Variants in RSPH4A observed in about 807,000 individuals in gnomAD.
RSPH4A encodes the protein radial spoke head protein 4 homolog A.
RSPH4A carries 47 observed loss-of-function variants against 71.0 expected under a neutral mutation model. The observed-to-expected ratio is 0.66, with a 90% CI of 0.52 to 0.84. The LOEUF (loss-of-function observed/expected upper bound fraction) is 0.84. Among genes scored for constraint, RSPH4A ranks in the 40% least tolerant of loss-of-function variants. The pLI is 0.00. For missense variants in RSPH4A, 793 were observed against 855.2 expected (o/e 0.93, Z 0.91); for synonymous variants, 282 against 302.3 (o/e 0.93, Z 0.70).
In RSPH4A at chr6:116,630,492, A is replaced by G; in HGVS notation, c.1856A>G (p.Tyr619Cys). 6.2e-7 allele frequency: 1 copy of G among 1,612,370 alleles called. No individual in the cohort carries two copies. Residue 619 changes from tyrosine (Y) to cysteine (C), a missense_variant, in exon 5 of 6, where the codon TAT becomes TGT. Tyr to Cys is a radical substitution (Grantham distance 194). Coordinates refer to ENST00000229554, the MANE Select transcript of RSPH4A (RefSeq NM_001010892.3). The part of the protein sequence containing the change: ...TRLSSNLIPQ[Y>C]AIAVLQSNLW... ...TTATCCTCAAATCTCATTCCACAAT[A>G]TGCTATTGCAGTCCTTCAATCCAAC...
In RSPH4A at chr6:116,632,599, T is replaced by A; in HGVS notation, c.*158T>A. On this transcript the variant is annotated 3_prime_UTR_variant, in exon 6 of 6. Coordinates refer to ENST00000229554, the MANE Select transcript of RSPH4A (RefSeq NM_001010892.3). The stretch of plus-strand genomic sequence containing the variant: ...CAATCTTGAAAATCAAGCTTGAAAT[T>A]TCATAGGTAGAAATATTAGCATTTT... 2 of 952,430 alleles carry A rather than the reference T, an allele frequency of 2.1e-6. No homozygotes were observed. Among genetic ancestry groups the A allele is most frequent in the South Asian group, 3.4e-5 (2 of 58,048 alleles). The allele number at this position is 952,430 out of a possible 1,614,324, so 59.0% of individuals were successfully genotyped here.
chr6:116,630,398 T>C (rs2115365433), intron 4 of RSPH4A, 37 bp from the exon 5 acceptor site: 1 of 1,062,482 alleles, frequency 9.4e-7, no homozygotes, highest in Non-Finnish European at 1.5e-6. Flanking sequence ...CTTGTCTAGT[T>C]AGGAATTAAG....
At chr6:116,631,515 C>G (rs549010267) in intron 5 of RSPH4A, among the ~76,000 whole-genome samples, 1 of 152,108 alleles carries the variant, frequency 6.6e-6, no homozygotes, top group Admixed American at 6.5e-5. Flanking sequence ...TTTTACAGAC[C>G]TGGAGACCAA....
At chr6:116,621,813 C>A (rs1055142629) in intron 1 of RSPH4A, among the ~76,000 whole-genome samples, 2 of 152,178 alleles carry the variant, frequency 1.3e-5, no homozygotes, top group Admixed American at 6.5e-5. Flanking sequence ...TGCGTATCCA[C>A]CAGAGAAGCA....
At chr6:116,621,468 ATAATAAGAGAGGAG>A (rs1471127521) in intron 1 of RSPH4A, among the ~76,000 whole-genome samples, 3 of 152,198 alleles carry the variant, frequency 2.0e-5, no homozygotes, top group Admixed American at 1.3e-4. Context: ...TTGTTTCACT[ATAATAAGAGAGGAG>A]TTATATAAAA....
At position 116,630,452 on chromosome 6, in the gene RSPH4A, C is replaced by A; in HGVS notation, c.1816C>A (p.Pro606Thr). The A allele has an allele frequency of 6.3e-7, 1 of 1,593,836 alleles. No homozygotes were observed. The highest frequency in any genetic ancestry group is 8.6e-7 in the Non-Finnish European group (1 of 1,161,842). ...GGTTCCAGAGATTCAGAATATACCC[C>A]CCTGGACAACACGGTTATCCTCAAA... ...SEDLEIQNIP[P>T]WTTRLSSNLI... The change falls in exon 5 of 6, where the codon CCC becomes ACC. Residue 606 changes from proline (P) to threonine (T), a missense_variant. Coordinates refer to ENST00000229554, the MANE Select transcript of RSPH4A (RefSeq NM_001010892.3).
At chr6:116,617,970 G>C (rs756162734) in intron 1 of RSPH4A, among the ~76,000 whole-genome samples, 11 of 142,966 alleles carry the variant, frequency 7.7e-5, no homozygotes, top group Non-Finnish European at 1.8e-4. Flanking sequence ...GATTTCTATA[G>C]ATTTTTGCTT....
At position 116,627,710 on chromosome 6, in the gene RSPH4A, T is replaced by A. The variant is rs1490552419; in HGVS notation, c.1003T>A (p.Tyr335Asn). The change falls in exon 3 of 6, where the codon TAC becomes AAC. Residue 335 changes from tyrosine (Y) to asparagine (N), a missense_variant. By Grantham distance (143) the Tyr-to-Asn change is moderately radical (BLOSUM62 -2). Transcript: ENST00000229554. ...AGTTGGTTTGGGCACAGATGAGACA[T>A]ACCGCATATTTCTTGCCCTCAAGCA... ...AGVGLGTDET[Y>N]RIFLALKQLT... 1 of 1,614,056 alleles carries A rather than the reference T, an allele frequency of 6.2e-7. No homozygotes were observed. Among genetic ancestry groups the A allele is most frequent in the African/African-American group, 1.3e-5 (1 of 74,924 alleles).
chr6:116,629,777 T>C, intron 4 of RSPH4A, 75 bp downstream of exon 4: 1 of 1,384,168 alleles, frequency 7.2e-7, no homozygotes, highest in East Asian at 2.3e-5. Flanking sequence ...ATAGTAAATA[T>C]GAGAGTCGGA....
At chr6:116,620,769 T>C (rs1384188465) in intron 1 of RSPH4A, among the ~76,000 whole-genome samples, 1 of 152,226 alleles carries the variant, frequency 6.6e-6, no homozygotes, top group African/African-American at 2.4e-5. Flanking sequence ...CCACAGCTGC[T>C]ACTGAAGCAA....
intron 2 of RSPH4A, among the ~76,000 whole-genome samples, chr6:116,627,179 G>C (rs1775709469): frequency 6.6e-6 from 1 of 152,118 alleles, no homozygotes; most frequent in Admixed American, 6.5e-5. Context: ...AGAAATTCAG[G>C]AATTATCATA....
At chr6:116,631,155 G>A (rs907939414) in intron 5 of RSPH4A, among the ~76,000 whole-genome samples, 1 of 151,906 alleles carries the variant, frequency 6.6e-6, no homozygotes, top group Non-Finnish European at 1.5e-5. Context: ...AATAAAATAT[G>A]GTTTTTCATC....
Position 116,632,478 on chromosome 6 carries a change from T to TAC in RSPH4A, c.*46_*47dup, listed in dbSNP as rs149281216. 14 of 1,580,996 alleles carry TAC rather than the reference T, an allele frequency of 8.9e-6. 1 individual carries two copies. In the South Asian group the frequency reaches 1.2e-4, roughly 13 times the overall value. On this transcript the variant is annotated 3_prime_UTR_variant, in exon 6 of 6. Transcript: ENST00000229554. ...TTAGCCTGGTTTTATGTGACACTGA[T>TAC]ACACACACACCCCTTATATGGGACT...
chr6:116,626,394 T>G (rs1193986418), intron 2 of RSPH4A, among the ~76,000 whole-genome samples: 2 of 152,154 alleles, frequency 1.3e-5, no homozygotes, highest in African/African-American at 4.8e-5. Context: ...CAGGCTGTAG[T>G]GCAGTGGCGC....
In RSPH4A at chr6:116,628,273, C is replaced by T. The variant is rs754249360; in HGVS notation, c.1566C>T (p.Ser522=). The T allele has an allele frequency of 1.2e-6, 2 of 1,611,062 alleles. No individual in the cohort carries two copies. The highest frequency in any genetic ancestry group is 1.7e-6 in the Non-Finnish European group (2 of 1,178,284). The change falls in exon 3 of 6, where the codon AGC becomes AGT. Residue 522 remains serine (S), a synonymous_variant. Transcript: ENST00000229554. The part of the protein sequence containing the change: ...EEEEAEGGRN[S]FEENPDFEGI... ...AAGAGGCAGAAGGTGGGCGAAATAG[C>T]TTTGAGGAAAACCCTGATTTTGAAG...
intron 2 of RSPH4A, among the ~76,000 whole-genome samples, chr6:116,627,168 C>T (rs1403049609): frequency 6.6e-6 from 1 of 152,066 alleles, no homozygotes; most frequent in Non-Finnish European, 1.5e-5. Context: ...GAGAGAAGAA[C>T]AGAAATTCAG....
At chr6:116,629,835 C>A in intron 4 of RSPH4A, 133 bp downstream of exon 4, 1 of 810,942 alleles carries the variant, frequency 1.2e-6, no homozygotes, top group Non-Finnish European at 2.0e-6. Context: ...TCTTCCCATT[C>A]ATGTTCTGGG....
At chr6:116,629,453 G>T in intron 3 of RSPH4A, 114 bp from the exon 4 acceptor site, 1 of 1,087,714 alleles carries the variant, frequency 9.2e-7, no homozygotes, top group South Asian at 1.3e-5. Flanking sequence ...ATGAATGAAT[G>T]AATAATTGAT....
chr6:116,626,835 AT>A (rs1299451449), intron 2 of RSPH4A, among the ~76,000 whole-genome samples: 1 of 152,170 alleles, frequency 6.6e-6, no homozygotes, highest in Non-Finnish European at 1.5e-5. Flanking sequence ...TATTTATTCC[AT>A]ACATTACATT....
Sources: gnomAD v4.1 joint callset for allele counts (sites outside exome capture counted in the v4.1 genomes callset) on GRCh38, gnomAD v4.1.1 for gene constraint, MANE v1.5 for transcripts, NCBI Gene and HGNC (gene_info 2026-07-23, HGNC 2026-07-21) for gene names.